The following RAB3C variants were observed in gnomAD, a reference collection of about 807,000 sequenced individuals.
The protein encoded by RAB3C is RAB3C, member RAS oncogene family.
In RAB3C, 17 loss-of-function variants were observed where a neutral mutation model predicts 26.4. The ratio of observed to expected loss-of-function variants is 0.64; its 90% CI spans 0.44 to 0.97. The LOEUF (loss-of-function observed/expected upper bound fraction) is 0.97. RAB3C is among the 50% of genes least tolerant of loss of function. The pLI is 0.00. For synonymous variants in RAB3C, 91 were observed against 95.9 expected (o/e 0.95, Z 0.30); for missense variants, 242 against 281.9 (o/e 0.86, Z 1.01).
At chr5:58,708,673 T>C (rs1299375180) in intron 2 of RAB3C, among the ~76,000 whole-genome samples, 1 of 152,198 alleles carries the variant, frequency 6.6e-6, no homozygotes, top group African/African-American at 2.4e-5. Flanking sequence ...TGCATTGAAA[T>C]AGGAATTTGA....
chr5:58,672,785 G>A (rs1244675415), intron 2 of RAB3C, among the ~76,000 whole-genome samples: 1 of 152,112 alleles, frequency 6.6e-6, no homozygotes, highest in African/African-American at 2.4e-5. Context: ...TTTACCATTA[G>A]CTCTCTTTTA....
At chr5:58,690,603 C>T (rs183214835) in intron 2 of RAB3C, among the ~76,000 whole-genome samples, 1 of 152,232 alleles carries the variant, frequency 6.6e-6, no homozygotes. Context: ...GTCTTTCTGT[C>T]TCTCTGTATC....
intron 1 of RAB3C, among the ~76,000 whole-genome samples, chr5:58,604,944 C>A (rs749908004): frequency 6.6e-6 from 1 of 152,172 alleles, no homozygotes; most frequent in Non-Finnish European, 1.5e-5. Flanking sequence ...TGGTGCCAGG[C>A]AGGAATGGGC....
chr5:58,606,859 A>G lies in RAB3C; in HGVS notation c.25-10784A>G, dbSNP rs193098079. Among the ~76,000 whole-genome samples the G allele has an allele frequency of 2.0e-4, 30 of 152,346 alleles. 1 individual carries two copies. Among genetic ancestry groups the G allele is most frequent in the African/African-American group, 7.2e-4 (30 of 41,588 alleles). On this transcript the variant is annotated intron_variant, in intron 1 of 4. Coordinates refer to ENST00000282878, the MANE Select transcript of RAB3C (RefSeq NM_138453.4). ...AAGGAAAACTAACAAACAGAAAGAA[A>G]TAGCATCGACATCAACAAAAAGGAC... is the stretch of plus-strand genomic sequence containing the variant.
intron 2 of RAB3C, among the ~76,000 whole-genome samples, chr5:58,693,695 G>A (rs1579861827): frequency 6.6e-6 from 1 of 152,136 alleles, no homozygotes; most frequent in East Asian, 1.9e-4. Flanking sequence ...CTAAGCCCTT[G>A]AGTACAGTAC....
intron 2 of RAB3C, among the ~76,000 whole-genome samples, chr5:58,716,408 T>C (rs1255279255): frequency 6.6e-6 from 1 of 152,176 alleles, no homozygotes; most frequent in Non-Finnish European, 1.5e-5. Flanking sequence ...TTCAACCTAA[T>C]ATTCAGAAAG....
chr5:58,739,923 G>C (rs1222017994), intron 3 of RAB3C, among the ~76,000 whole-genome samples: 1 of 152,210 alleles, frequency 6.6e-6, no homozygotes, highest in Non-Finnish European at 1.5e-5. Flanking sequence ...AATCATTAGT[G>C]GATGGTAGGA....
chr5:58,671,842 A>G (rs1161668852), intron 2 of RAB3C, among the ~76,000 whole-genome samples: 2 of 152,246 alleles, frequency 1.3e-5, no homozygotes, highest in African/African-American at 4.8e-5. Flanking sequence ...AAGTTTATTT[A>G]GAAATACTGA....
intron 2 of RAB3C, among the ~76,000 whole-genome samples, chr5:58,655,819 G>A (rs7733206): frequency 0.29 from 34,833 of 121,476 alleles, 5,147 homozygotes; most frequent in African/African-American, 0.43. Context: ...TTTTTGAGAC[G>A]GAGTCTCGCT....
intron 3 of RAB3C, chr5:58,814,804 A>G (rs1743181799): frequency 6.6e-6 from 1 of 152,226 alleles, no homozygotes; most frequent in Middle Eastern, 3.2e-3. Flanking sequence ...TTTAAAAAAT[A>G]GAATTTGACA....
chr5:58,759,663 C>A (rs1178796001), intron 3 of RAB3C, among the ~76,000 whole-genome samples: 4 of 152,200 alleles, frequency 2.6e-5, no homozygotes, highest in Non-Finnish European at 4.4e-5. Flanking sequence ...GTTTTCGAAT[C>A]TGCTAGTATT....
chr5:58,698,549 C>T (rs1407622344), intron 2 of RAB3C, among the ~76,000 whole-genome samples: 2 of 152,192 alleles, frequency 1.3e-5, no homozygotes, highest in Non-Finnish European at 2.9e-5. Context: ...TTCCCCATCA[C>T]TTTCAGGTCC....
chr5:58,709,371 C>A (rs1749012195), intron 2 of RAB3C, among the ~76,000 whole-genome samples: 1 of 152,166 alleles, frequency 6.6e-6, no homozygotes, highest in East Asian at 1.9e-4. Context: ...TTCTACCTTC[C>A]AGAGGGGTAG....
At chr5:58,795,398 C>T (rs956680801) in intron 3 of RAB3C, among the ~76,000 whole-genome samples, 3 of 152,210 alleles carry the variant, frequency 2.0e-5, no homozygotes, top group Non-Finnish European at 2.9e-5. Flanking sequence ...GAAGTCCTCA[C>T]CCTGTTCCAT....
intron 3 of RAB3C, among the ~76,000 whole-genome samples, chr5:58,798,167 A>G (rs1002511184): frequency 6.6e-6 from 1 of 152,330 alleles, no homozygotes; most frequent in Admixed American, 6.5e-5. Context: ...ACAATTTTTC[A>G]ACCATGATTG....
At chr5:58,599,678 C>T (rs188107050) in intron 1 of RAB3C, among the ~76,000 whole-genome samples, 1 of 151,960 alleles carries the variant, frequency 6.6e-6, no homozygotes, top group African/African-American at 2.4e-5. Context: ...TGATAAAATT[C>T]ATCTCCTTTT....
intron 3 of RAB3C, among the ~76,000 whole-genome samples, chr5:58,732,175 T>G (rs150314726): frequency 6.6e-4 from 100 of 151,714 alleles, no homozygotes; most frequent in African/African-American, 2.3e-3. Flanking sequence ...TATGTATACA[T>G]GTGCCATGAA....
intron 4 of RAB3C, among the ~76,000 whole-genome samples, chr5:58,826,017 A>G (rs1438901891): frequency 6.6e-6 from 1 of 152,202 alleles, no homozygotes; most frequent in East Asian, 1.9e-4. Flanking sequence ...CAAGTCAACA[A>G]AAACAGGTCA....
At chr5:58,840,967 C>T (rs1367009869) in intron 4 of RAB3C, among the ~76,000 whole-genome samples, 2 of 152,212 alleles carry the variant, frequency 1.3e-5, no homozygotes, top group Non-Finnish European at 1.5e-5. Context: ...GTCCGTGGAA[C>T]TATTTCTCAG....
Sources: allele counts gnomAD v4.1 joint callset (sites outside exome capture counted in the v4.1 genomes callset), GRCh38; gene constraint gnomAD v4.1.1; transcripts MANE v1.5; gene names NCBI Gene and HGNC (gene_info 2026-07-23, HGNC 2026-07-21).